Variants in SCLT1 observed in about 807,000 individuals in gnomAD.
SCLT1 encodes the protein sodium channel and clathrin linker 1.
Under a neutral mutation model 112.8 loss-of-function variants are expected in SCLT1, and 78 were observed. That is an observed-to-expected ratio of 0.69 (90% CI 0.58 to 0.83). The LOEUF (loss-of-function observed/expected upper bound fraction) is 0.83. Ranked by LOEUF, SCLT1 falls within the 40% of genes least tolerant of loss-of-function variation. The pLI is 0.00. For synonymous variants in SCLT1, 257 were observed against 254.7 expected (o/e 1.01, Z -0.09); for missense variants, 747 against 770.4 (o/e 0.97, Z 0.36).
At chr4:128,913,673 G>A (rs776455440) in intron 18 of SCLT1, among the ~76,000 whole-genome samples, 5 of 152,094 alleles carry the variant, frequency 3.3e-5, no homozygotes, top group Non-Finnish European at 5.9e-5. Flanking sequence ...AGAAAGAAGG[G>A]CAGGAGAGTG....
At position 128,943,007 on chromosome 4, in the gene SCLT1, C is replaced by T. The variant is rs1560870689; in HGVS notation, c.1621G>A (p.Ala541Thr). 6.2e-7 allele frequency: 1 copy of T among 1,600,052 alleles called. No individual in the cohort carries two copies. The highest frequency in any genetic ancestry group is 1.1e-5 in the South Asian group (1 of 89,018). The change falls in exon 17 of 21, where the codon GCC becomes ACC. Residue 541 changes from alanine (A) to threonine (T), a missense_variant. Transcript: ENST00000281142. The part of the protein sequence containing the change: ...RKIALEAQKK[A>T]KVKISTMEHE... Reference sequence around the variant, plus strand: ...AGTCTTGAAAATACCTTTACTTTGGCTTTTTTTTGAGCCTCCAGGGCAATC... The same window carrying T: ...AGTCTTGAAAATACCTTTACTTTGGTTTTTTTTTGAGCCTCCAGGGCAATC...
intron 9 of SCLT1, among the ~76,000 whole-genome samples, chr4:128,975,063 G>T: frequency 3.4e-5 from 1 of 29,654 alleles, no homozygotes; most frequent in Non-Finnish European, 5.4e-5. Flanking sequence ...TTTTGAGATG[G>T]AGTCTCGCTC....
rs185927005 is a variant in SCLT1, at chr4:129,010,947, A to G, written c.291-7071T>C. Among the ~76,000 whole-genome samples, 276 of 152,316 alleles carry G rather than the reference A, an allele frequency of 1.8e-3. 1 individual carries two copies. Among genetic ancestry groups the G allele is most frequent in the Middle Eastern group, 0.01 (3 of 294 alleles). On this transcript the variant is annotated intron_variant, in intron 5 of 20. Transcript: ENST00000281142. ...CCTGACTGCCCTGGCCAGGACTTCC[A>G]ATACTATGTCAAATAGGAGTGGCGA...
At chr4:129,075,392 G>GT (rs1199035494) in intron 2 of SCLT1, among the ~76,000 whole-genome samples, 2 of 152,050 alleles carry the variant, frequency 1.3e-5, no homozygotes, top group Non-Finnish European at 2.9e-5. Flanking sequence ...AACAGCATAA[G>GT]TAACTGATAA....
At chr4:128,942,929 G>T in intron 17 of SCLT1, 67 bp downstream of exon 17, 1 of 1,201,166 alleles carries the variant, frequency 8.3e-7, no homozygotes, top group South Asian at 1.5e-5. Context: ...GTTTTGCTAG[G>T]TCTCTCTAAA....
intron 2 of SCLT1, among the ~76,000 whole-genome samples, chr4:129,080,923 GA>G (rs770069457): frequency 9.9e-5 from 15 of 152,156 alleles, no homozygotes; most frequent in Non-Finnish European, 1.6e-4. Context: ...TCCCCCGTGT[GA>G]AACACCCATG....
At chr4:129,035,613 C>T (rs1045479041) in intron 5 of SCLT1, among the ~76,000 whole-genome samples, 2 of 151,956 alleles carry the variant, frequency 1.3e-5, no homozygotes, top group Admixed American at 6.6e-5. Context: ...TAAAAAATGA[C>T]AACAATAAAA....
intron 20 of SCLT1, among the ~76,000 whole-genome samples, chr4:128,885,411 CTTTAA>C (rs1402603520): frequency 6.6e-6 from 1 of 152,040 alleles, no homozygotes; most frequent in Non-Finnish European, 1.5e-5. Flanking sequence ...TTCTTCATTC[CTTTAA>C]TTTAAAAAAT....
intron 1 of SCLT1, among the ~76,000 whole-genome samples, chr4:129,091,739 A>G (rs1182713905): frequency 6.6e-6 from 1 of 152,196 alleles, no homozygotes; most frequent in African/African-American, 2.4e-5. Flanking sequence ...TTTAAGTCTC[A>G]CAACTTCAAG....
intron 1 of SCLT1, among the ~76,000 whole-genome samples, chr4:129,083,450 CAAAAA>C (rs10708320): frequency 3.4e-5 from 4 of 116,414 alleles, no homozygotes; most frequent in Non-Finnish European, 3.4e-5. Context: ...TATCAAGAAC[CAAAAA>C]AAAAAAAAAA....
At chr4:128,904,918 G>A (rs567259978) in intron 18 of SCLT1, among the ~76,000 whole-genome samples, 133 of 152,174 alleles carry the variant, frequency 8.7e-4, no homozygotes, top group African/African-American at 2.9e-3. Flanking sequence ...GTCAGCGTTA[G>A]ATATACTGGA....
intron 19 of SCLT1, among the ~76,000 whole-genome samples, chr4:128,890,250 T>C (rs1434746123): frequency 1.3e-5 from 2 of 152,226 alleles, no homozygotes; most frequent in Non-Finnish European, 2.9e-5. Context: ...CTGTTCCTTT[T>C]CTATTCATCA....
At chr4:129,030,501 C>CA (rs1746609828) in intron 5 of SCLT1, among the ~76,000 whole-genome samples, 1 of 151,872 alleles carries the variant, frequency 6.6e-6, no homozygotes, top group East Asian at 1.9e-4. Context: ...AAAAACTGCT[C>CA]AAAAAATGAA....
At chr4:128,959,254 GATTT>G (rs1231692066) in intron 12 of SCLT1, among the ~76,000 whole-genome samples, 1 of 151,360 alleles carries the variant, frequency 6.6e-6, no homozygotes, top group Non-Finnish European at 1.5e-5. Flanking sequence ...AGACGGGTAA[GATTT>G]ATCAGATTCA....
chr4:129,032,873 A>C lies in SCLT1; in HGVS notation c.290+6168T>G, dbSNP rs796643352. Among the ~76,000 whole-genome samples, 52 of 152,334 alleles carry C rather than the reference A, an allele frequency of 3.4e-4. No individual in the cohort carries two copies. The Middle Eastern group carries it at 0.01, about 30-fold the overall frequency. On this transcript the variant is annotated intron_variant, in intron 5 of 20. Coordinates refer to ENST00000281142, the MANE Select transcript of SCLT1 (RefSeq NM_144643.4). Reference sequence around the variant, plus strand: ...GCTGTGGAGAAATAGGAATGCTTTTACACTGTTGGTGGGAGTGTAAATTAG... The same window carrying C: ...GCTGTGGAGAAATAGGAATGCTTTTCCACTGTTGGTGGGAGTGTAAATTAG...
At chr4:128,934,972 A>G (rs1340489426) in intron 18 of SCLT1, among the ~76,000 whole-genome samples, 1 of 152,006 alleles carries the variant, frequency 6.6e-6, no homozygotes, top group East Asian at 1.9e-4. Flanking sequence ...AAATTAAGGA[A>G]ATTCTATTCC....
chr4:129,042,764 T>A (rs1048881459), intron 4 of SCLT1, among the ~76,000 whole-genome samples: 2 of 152,116 alleles, frequency 1.3e-5, no homozygotes, highest in Admixed American at 6.5e-5. Context: ...TTCTCTCACT[T>A]CAGCCTTCTG....
intron 8 of SCLT1, among the ~76,000 whole-genome samples, chr4:128,994,154 A>AT (rs1331204257): frequency 2.0e-5 from 3 of 152,042 alleles, no homozygotes; most frequent in African/African-American, 7.2e-5. Flanking sequence ...CCGAAACTTC[A>AT]TGTGTGTTGA....
chr4:129,081,808 T>C (rs1751963026), intron 2 of SCLT1, among the ~76,000 whole-genome samples: 2 of 152,138 alleles, frequency 1.3e-5, no homozygotes, highest in African/African-American at 4.8e-5. Context: ...CTATAGAGAG[T>C]CACCACTAAT....
Sources: gnomAD v4.1 joint callset for allele counts (sites outside exome capture counted in the v4.1 genomes callset) on GRCh38, gnomAD v4.1.1 for gene constraint, MANE v1.5 for transcripts, NCBI Gene and HGNC (gene_info 2026-07-23, HGNC 2026-07-21) for gene names.